PAPPA2: variants seen among roughly 807,000 people sequenced by gnomAD.
PAPPA2 encodes the protein pappalysin-2.
In PAPPA2, 86 loss-of-function variants were observed where a neutral mutation model predicts 176.4. That is an observed-to-expected ratio of 0.49 (90% CI 0.41 to 0.58). PAPPA2 has a LOEUF of 0.58. Ranked by LOEUF, PAPPA2 falls within the 20% of genes least tolerant of loss-of-function variation. The pLI is 0.00. For missense variants in PAPPA2, 2,073 were observed against 2,256.9 expected, an observed-to-expected ratio of 0.92 and a Z score of 1.65; for synonymous variants, 809 against 852.2, an observed-to-expected ratio of 0.95 and a Z score of 0.88.
chr1:176,506,884 C>T (rs144160459), intron 1 of PAPPA2, among the ~76,000 whole-genome samples: 2,938 of 151,970 alleles, frequency 0.019, 51 homozygotes, highest in Non-Finnish European at 0.025. Context: ...TTGGTCTTGG[C>T]GAGAAATTTT....
intron 2 of PAPPA2, among the ~76,000 whole-genome samples, chr1:176,568,594 C>G (rs1207784951): frequency 6.6e-6 from 1 of 152,144 alleles, no homozygotes; most frequent in Non-Finnish European, 1.5e-5. Context: ...TCAACTGAAC[C>G]CTTTATCCAT....
At chr1:176,647,403 G>A (rs1657459163) in intron 3 of PAPPA2, among the ~76,000 whole-genome samples, 1 of 151,620 alleles carries the variant, frequency 6.6e-6, no homozygotes, top group African/African-American at 2.4e-5. Flanking sequence ...GTATGCAGAA[G>A]CTTTTTCACT....
intron 17 of PAPPA2, among the ~76,000 whole-genome samples, chr1:176,786,262 A>C (rs568839042): frequency 6.6e-6 from 1 of 152,326 alleles, no homozygotes; most frequent in South Asian, 2.1e-4. Context: ...GAAAGAAGAA[A>C]CTTACTAAGC....
intron 14 of PAPPA2, among the ~76,000 whole-genome samples, chr1:176,751,133 C>T (rs1663155477): frequency 1.3e-5 from 2 of 151,628 alleles, no homozygotes; most frequent in African/African-American, 4.9e-5. Flanking sequence ...TCAGGTTTGT[C>T]AAAGATCAGG....
At chr1:176,518,237 C>T (rs969617931) in intron 1 of PAPPA2, among the ~76,000 whole-genome samples, 1 of 152,132 alleles carries the variant, frequency 6.6e-6, no homozygotes, top group Admixed American at 6.5e-5. Context: ...GACTTCTTGC[C>T]ACCCTCCTAA....
chr1:176,690,487 C>A, intron 5 of PAPPA2, 57 bp downstream of exon 5: 2 of 1,583,140 alleles, frequency 1.3e-6, no homozygotes, highest in South Asian at 1.1e-5. Flanking sequence ...CCTTTGAGAG[C>A]TGGGAGGGTG....
chr1:176,614,979 A>G (rs1390737225), intron 3 of PAPPA2, among the ~76,000 whole-genome samples: 3 of 152,214 alleles, frequency 2.0e-5, no homozygotes, highest in African/African-American at 7.2e-5. Flanking sequence ...GGAAAAAAAA[A>G]TCACACTTTC....
chr1:176,679,746 G>A (rs919261537), intron 4 of PAPPA2, among the ~76,000 whole-genome samples: 2 of 152,172 alleles, frequency 1.3e-5, no homozygotes, highest in African/African-American at 4.8e-5. Flanking sequence ...TTGAAATGTG[G>A]GAAAGGTATT....
At chr1:176,690,560 T>G in intron 5 of PAPPA2, 130 bp downstream of exon 5, 1 of 1,464,840 alleles carries the variant, frequency 6.8e-7, no homozygotes, top group South Asian at 1.5e-5. Context: ...TTGAAGTGTA[T>G]TTATTATAAG....
chr1:176,522,076 C>G (rs780322685), intron 1 of PAPPA2, among the ~76,000 whole-genome samples: 1 of 152,154 alleles, frequency 6.6e-6, no homozygotes, highest in Non-Finnish European at 1.5e-5. Context: ...CTGGCTTCCT[C>G]CATCTGTGGA....
chr1:176,740,271 A>G (rs1442740506), intron 14 of PAPPA2, 75 bp downstream of exon 14: 2 of 1,405,492 alleles, frequency 1.4e-6, no homozygotes, highest in Non-Finnish European at 2.0e-6. Context: ...ACATAGTGTT[A>G]TGTATAGAGT....
intron 1 of PAPPA2, among the ~76,000 whole-genome samples, chr1:176,479,891 C>T (rs1318164302): frequency 6.6e-6 from 1 of 152,210 alleles, no homozygotes; most frequent in East Asian, 1.9e-4. Context: ...TATAGCACAT[C>T]AATCTGAAAG....
chr1:176,765,303 A>G (rs1663913078), intron 14 of PAPPA2, among the ~76,000 whole-genome samples: 1 of 152,054 alleles, frequency 6.6e-6, no homozygotes, highest in Non-Finnish European at 1.5e-5. Context: ...ATTTGTTCTA[A>G]TTGCTTGGGA....
At chr1:176,827,198 C>T (rs1666893381) in intron 21 of PAPPA2, among the ~76,000 whole-genome samples, 1 of 152,160 alleles carries the variant, frequency 6.6e-6, no homozygotes, top group African/African-American at 2.4e-5. Context: ...CCTGGCCCTT[C>T]CAGTTGTCTT....
chr1:176,641,999 C>T (rs1414821344), intron 3 of PAPPA2, among the ~76,000 whole-genome samples: 4 of 151,904 alleles, frequency 2.6e-5, no homozygotes, highest in Admixed American at 6.6e-5. Context: ...CTACTTATCC[C>T]TATAAGCAAT....
intron 1 of PAPPA2, among the ~76,000 whole-genome samples, chr1:176,498,084 C>T (rs1208566944): frequency 6.6e-6 from 1 of 152,182 alleles, no homozygotes; most frequent in African/African-American, 2.4e-5. Flanking sequence ...GAATTGAACA[C>T]AGTGGTGGAG....
At chr1:176,522,767 T>C (rs1425789187) in intron 1 of PAPPA2, among the ~76,000 whole-genome samples, 2 of 152,106 alleles carry the variant, frequency 1.3e-5, no homozygotes, top group African/African-American at 4.8e-5. Flanking sequence ...CTTTAGGGTG[T>C]TGTTTCTTTC....
chr1:176,829,270 G>A (rs1011659391), intron 21 of PAPPA2, among the ~76,000 whole-genome samples: 1 of 151,068 alleles, frequency 6.6e-6, no homozygotes, highest in East Asian at 1.9e-4. Context: ...GAAGGAGGGA[G>A]AGAATGAGAG....
chr1:176,526,597 TACTGAGTTAAGAC>T (rs1649511678), intron 1 of PAPPA2, among the ~76,000 whole-genome samples: 1 of 152,208 alleles, frequency 6.6e-6, no homozygotes, highest in Non-Finnish European at 1.5e-5. Context: ...GAAAACCTTT[TACTGAGTTAAGAC>T]ACTGAGGTTT....
Sources: allele counts gnomAD v4.1 joint callset (sites outside exome capture counted in the v4.1 genomes callset), GRCh38; gene constraint gnomAD v4.1.1; transcripts MANE v1.5; gene names NCBI Gene and HGNC (gene_info 2026-07-23, HGNC 2026-07-21).